Variants in CELF4 observed in about 807,000 individuals in gnomAD.
CELF4 encodes the protein CUG-BP- and ETR-3-like factor 4.
Under a neutral mutation model 59.9 loss-of-function variants are expected in CELF4, and 18 were observed. The observed-to-expected ratio is 0.30, with a 90% CI of 0.21 to 0.45. CELF4 has a LOEUF of 0.45. Ranked by LOEUF, CELF4 falls within the 20% of genes least tolerant of loss-of-function variation. The pLI is 1.00. For synonymous variants in CELF4, 261 were observed against 267.1 expected (o/e 0.98, Z 0.22); for missense variants, 456 against 689.0 (o/e 0.66, Z 3.79).
intron 1 of CELF4, among the ~76,000 whole-genome samples, chr18:37,550,088 G>C (rs1157858859): frequency 7.8e-6 from 1 of 128,174 alleles, no homozygotes; most frequent in African/African-American, 2.8e-5. Flanking sequence ...ATGGGTGGGG[G>C]GGGGGGATCC....
intron 1 of CELF4, among the ~76,000 whole-genome samples, chr18:37,491,368 CAT>C (rs751748411): frequency 3.9e-5 from 6 of 152,242 alleles, no homozygotes; most frequent in East Asian, 1.9e-4. Context: ...GGCCGGCACA[CAT>C]GTTTCCTTAT....
At chr18:37,401,169 C>A (rs2099321726) in intron 2 of CELF4, among the ~76,000 whole-genome samples, 1 of 152,178 alleles carries the variant, frequency 6.6e-6, no homozygotes, top group East Asian at 1.9e-4. Flanking sequence ...TCTGCTGGAC[C>A]CCCAGATGGT....
chr18:37,555,681 C>T (rs1029272826), intron 1 of CELF4, among the ~76,000 whole-genome samples: 1 of 152,188 alleles, frequency 6.6e-6, no homozygotes, highest in Non-Finnish European at 1.5e-5. Flanking sequence ...TATACGCTGA[C>T]CTTTGTCCAC....
chr18:37,364,850 A>G (rs2098755413), intron 2 of CELF4, among the ~76,000 whole-genome samples: 1 of 152,216 alleles, frequency 6.6e-6, no homozygotes, highest in South Asian at 2.1e-4. Context: ...TGCCCTCTGT[A>G]GACTGGAAGG....
At chr18:37,510,761 CT>C (rs1316174479) in intron 1 of CELF4, among the ~76,000 whole-genome samples, 1 of 152,212 alleles carries the variant, frequency 6.6e-6, no homozygotes, top group Non-Finnish European at 1.5e-5. Context: ...AACATCTTCC[CT>C]TCCTTCTCCA....
intron 2 of CELF4, among the ~76,000 whole-genome samples, chr18:37,428,383 G>A (rs2099627410): frequency 6.6e-6 from 1 of 152,038 alleles, no homozygotes; most frequent in African/African-American, 2.4e-5. Flanking sequence ...AGGGGATGAG[G>A]GAGGAAGGTG....
intron 2 of CELF4, among the ~76,000 whole-genome samples, chr18:37,430,509 G>A (rs931618875): frequency 2.6e-5 from 4 of 152,286 alleles, no homozygotes; most frequent in East Asian, 1.9e-4. Flanking sequence ...GGTGTGTAGC[G>A]CAGTAACAGG....
At chr18:37,391,934 C>T (rs2099166727) in intron 2 of CELF4, among the ~76,000 whole-genome samples, 1 of 152,196 alleles carries the variant, frequency 6.6e-6, no homozygotes, top group Non-Finnish European at 1.5e-5. Context: ...CTTACCCCAC[C>T]CTGAAAGCCT....
rs115036932 is a variant in CELF4 at position 37,427,952 on chromosome 18, G to C, written c.369+57573C>G. The stretch of plus-strand genomic sequence containing the variant: ...CTAGGCCAGACTTCTACTGGAGAAA[G>C]TGTCTACGGTGTGTGTATGTGTGCG... On this transcript the variant is annotated intron_variant, in intron 2 of 12. Transcript: ENST00000420428. Among the ~76,000 whole-genome samples the C allele has an allele frequency of 7.2e-3, 1,104 of 152,326 alleles. 19 individuals are homozygous for C. The highest frequency in any genetic ancestry group is 0.026 in the African/African-American group (1,063 of 41,562).
chr18:37,509,632 C>T (rs928289261), intron 1 of CELF4, among the ~76,000 whole-genome samples: 2 of 152,194 alleles, frequency 1.3e-5, no homozygotes, highest in East Asian at 1.9e-4. Flanking sequence ...AAGGCATAAG[C>T]CGTATGATCT....
chr18:37,456,704 T>C (rs2099779360), intron 2 of CELF4, among the ~76,000 whole-genome samples: 1 of 152,156 alleles, frequency 6.6e-6, no homozygotes, highest in African/African-American at 2.4e-5. Flanking sequence ...TACACAGCCA[T>C]GAATAACAGA....
intron 9 of CELF4, 177 bp downstream of exon 9, chr18:37,266,353 CGGT>C: frequency 1.5e-6 from 1 of 676,058 alleles, no homozygotes; most frequent in Non-Finnish European, 2.6e-6. Flanking sequence ...GGGGCACTCT[CGGT>C]GGCCCGCTGA....
intron 3 of CELF4, among the ~76,000 whole-genome samples, chr18:37,290,550 A>C (rs916166079): frequency 5.9e-5 from 9 of 152,224 alleles, no homozygotes; most frequent in Non-Finnish European, 1.5e-5. Flanking sequence ...GAGCTTGAGC[A>C]GGAGAAAGTG....
At chr18:37,357,825 T>C (rs1408093359) in intron 2 of CELF4, among the ~76,000 whole-genome samples, 1 of 152,150 alleles carries the variant, frequency 6.6e-6, no homozygotes, top group Non-Finnish European at 1.5e-5. Flanking sequence ...ATTTTGGAGC[T>C]CTAAGATTTG....
chr18:37,314,729 TG>T (rs370779734), intron 3 of CELF4, among the ~76,000 whole-genome samples: 1 of 152,118 alleles, frequency 6.6e-6, no homozygotes, highest in East Asian at 1.9e-4. Context: ...CTGCAGCTTG[TG>T]GGGGGAACAA....
intron 1 of CELF4, among the ~76,000 whole-genome samples, chr18:37,534,735 G>A (rs971009226): frequency 3.3e-5 from 5 of 152,164 alleles, no homozygotes; most frequent in Non-Finnish European, 7.4e-5. Flanking sequence ...AGGGCCAGAG[G>A]GGAAGAGAGG....
chr18:37,266,363 C>CA, intron 9 of CELF4, 170 bp downstream of exon 9: 4 of 718,422 alleles, frequency 5.6e-6, no homozygotes, highest in East Asian at 2.7e-5. Context: ...CGGTGGCCCG[C>CA]TGACAAGAAG....
chr18:37,516,027 A>C (rs1269025821), intron 1 of CELF4, among the ~76,000 whole-genome samples: 1 of 152,178 alleles, frequency 6.6e-6, no homozygotes, highest in African/African-American at 2.4e-5. Flanking sequence ...TGAATGAATG[A>C]ATGTGGATGA....
At chr18:37,547,238 TC>T (rs2099981743) in intron 1 of CELF4, among the ~76,000 whole-genome samples, 2 of 151,256 alleles carry the variant, frequency 1.3e-5, no homozygotes, top group Non-Finnish European at 2.9e-5. Context: ...CCAAATGTGT[TC>T]CCATGAGCCA....
Sources: gnomAD v4.1 joint callset for allele counts (sites outside exome capture counted in the v4.1 genomes callset) on GRCh38, gnomAD v4.1.1 for gene constraint, MANE v1.5 for transcripts, NCBI Gene and HGNC (gene_info 2026-07-23, HGNC 2026-07-21) for gene names.